Variants in LRRTM4 observed in about 807,000 individuals in gnomAD.
The protein encoded by LRRTM4 is leucine rich repeat transmembrane neuronal 4, also known as leucine-rich repeat transmembrane neuronal protein 4.
A neutral mutation model predicts 47.6 loss-of-function variants in LRRTM4; 25 were observed. That is an observed-to-expected ratio of 0.53 (90% CI 0.38 to 0.73). The LOEUF (loss-of-function observed/expected upper bound fraction) is 0.73. Ranked by LOEUF, LRRTM4 falls within the 30% of genes least tolerant of loss-of-function variation. LRRTM4 has a pLI of 0.00. For synonymous variants in LRRTM4, 311 were observed against 269.5 expected, an observed-to-expected ratio of 1.15 and a Z score of -1.51; for missense variants, 638 against 713.4, an observed-to-expected ratio of 0.89 and a Z score of 1.20.
At chr2:76,811,799 T>G (rs1460082496) in intron 3 of LRRTM4, among the ~76,000 whole-genome samples, 1 of 152,138 alleles carries the variant, frequency 6.6e-6, no homozygotes, top group Non-Finnish European at 1.5e-5. Context: ...AGGCAGCCAA[T>G]TAGAATCCAA....
At chr2:76,945,527 C>T (rs1300109207) in intron 3 of LRRTM4, among the ~76,000 whole-genome samples, 1 of 151,992 alleles carries the variant, frequency 6.6e-6, no homozygotes, top group Non-Finnish European at 1.5e-5. Flanking sequence ...TATTAAATAG[C>T]TTTCCACAGA....
intron 3 of LRRTM4, among the ~76,000 whole-genome samples, chr2:76,780,075 T>C (rs1392294133): frequency 1.3e-5 from 2 of 152,230 alleles, no homozygotes; most frequent in African/African-American, 2.4e-5. Context: ...TCTTTATGAA[T>C]GTTGAATATT....
At chr2:77,172,307 G>C (rs543636604) in intron 3 of LRRTM4, among the ~76,000 whole-genome samples, 39 of 151,978 alleles carry the variant, frequency 2.6e-4, no homozygotes, top group African/African-American at 8.9e-4. Context: ...CATTTAAAGG[G>C]CTAAACTGGC....
At chr2:77,006,764 C>T (rs1677667160) in intron 3 of LRRTM4, among the ~76,000 whole-genome samples, 1 of 152,072 alleles carries the variant, frequency 6.6e-6, no homozygotes, top group African/African-American at 2.4e-5. Context: ...TTGTCTATGG[C>T]AGGTGGGAAC....
In LRRTM4 at chr2:77,088,549, G is replaced by A. The variant is rs191523972; in HGVS notation, c.1552-339633C>T. Among the ~76,000 whole-genome samples the A allele has an allele frequency of 4.0e-5, 6 of 151,104 alleles. No homozygotes were observed. The South Asian group carries it at 1.1e-3, about 27-fold the overall frequency. ...TTACCTACCCAAATCCTATAAAACG[G>A]CCCCACCCCTATCTCCATTCGCTGA... On this transcript the variant is annotated intron_variant, in intron 3 of 3. Transcript: ENST00000409884.
intron 3 of LRRTM4, among the ~76,000 whole-genome samples, chr2:77,049,235 A>G (rs2103766173): frequency 6.8e-6 from 1 of 147,608 alleles, no homozygotes; most frequent in East Asian, 2.0e-4. Flanking sequence ...TATCTCTGCT[A>G]TTGTGAATAA....
At chr2:76,999,446 A>C (rs116118761) in intron 3 of LRRTM4, among the ~76,000 whole-genome samples, 2,573 of 133,458 alleles carry the variant, frequency 0.019, 60 homozygotes, top group East Asian at 0.11. Context: ...AAAGGAAACA[A>C]AACAAAAAAA....
intron 3 of LRRTM4, among the ~76,000 whole-genome samples, chr2:76,913,918 T>C (rs1223189160): frequency 1.3e-5 from 2 of 152,106 alleles, no homozygotes; most frequent in Admixed American, 6.5e-5. Flanking sequence ...AACTTCCCTT[T>C]TTTAGAGCAT....
At chr2:76,780,336 G>C (rs889443736) in intron 3 of LRRTM4, among the ~76,000 whole-genome samples, 1 of 152,142 alleles carries the variant, frequency 6.6e-6, no homozygotes, top group African/African-American at 2.4e-5. Context: ...AGTTCTCCTG[G>C]ATAATCTCCT....
At chr2:77,443,611 G>C (rs903971246) in intron 3 of LRRTM4, among the ~76,000 whole-genome samples, 1 of 152,012 alleles carries the variant, frequency 6.6e-6, no homozygotes, top group Non-Finnish European at 1.5e-5. Flanking sequence ...AGTATCACCT[G>C]CTAAATGAGA....
intron 3 of LRRTM4, among the ~76,000 whole-genome samples, chr2:77,322,421 T>G (rs1368077521): frequency 2.0e-5 from 3 of 152,132 alleles, no homozygotes; most frequent in Non-Finnish European, 4.4e-5. Context: ...TTTCAAGATG[T>G]GATCTCATAT....
chr2:76,894,725 A>C (rs912241017), intron 3 of LRRTM4, among the ~76,000 whole-genome samples: 1 of 151,946 alleles, frequency 6.6e-6, no homozygotes, highest in South Asian at 2.1e-4. Flanking sequence ...TCAACCCTGG[A>C]AAACTGACTT....
chr2:77,369,525 T>C (rs886537268), intron 3 of LRRTM4, among the ~76,000 whole-genome samples: 1 of 151,756 alleles, frequency 6.6e-6, no homozygotes, highest in African/African-American at 2.4e-5. Context: ...TTTCGCTAAA[T>C]AAGTAGATGA....
At chr2:77,214,077 T>A (rs1674370511) in intron 3 of LRRTM4, among the ~76,000 whole-genome samples, 1 of 152,184 alleles carries the variant, frequency 6.6e-6, no homozygotes, top group South Asian at 2.1e-4. Context: ...ACATTGAGTC[T>A]AAATGAAAAC....
At chr2:76,765,432 C>T (rs1673419235) in intron 3 of LRRTM4, among the ~76,000 whole-genome samples, 1 of 152,056 alleles carries the variant, frequency 6.6e-6, no homozygotes, top group African/African-American at 2.4e-5. Flanking sequence ...GGAAGAGGAG[C>T]AGAATATTAT....
chr2:76,756,947 CCTTT>C lies in LRRTM4; in HGVS notation c.1552-8035_1552-8032del, dbSNP rs1230690303. Among the ~76,000 whole-genome samples the C allele has an allele frequency of 1.4e-4, 21 of 151,820 alleles. No homozygotes were observed. The East Asian group carries it at 2.5e-3, about 18-fold the overall frequency. ...CTGAATGAAAGAACAATAATCATAC[CCTTT>C]CTTTATTTTGTTTTGAAGATGGAAT... is the stretch of plus-strand genomic sequence containing the variant. On this transcript the variant is annotated intron_variant, in intron 3 of 3. Transcript: ENST00000409884.
intron 3 of LRRTM4, among the ~76,000 whole-genome samples, chr2:77,221,756 G>A (rs1674639516): frequency 6.6e-6 from 1 of 151,970 alleles, no homozygotes; most frequent in South Asian, 2.1e-4. Context: ...CAATAATAAT[G>A]GGAGACTTTA....
At chr2:76,968,482 A>G (rs115216404) in intron 3 of LRRTM4, among the ~76,000 whole-genome samples, 3,661 of 149,490 alleles carry the variant, frequency 0.024, 57 homozygotes, top group Admixed American at 0.034. Flanking sequence ...GTATCTATCC[A>G]TCTACCTATC....
At chr2:76,815,203 T>C (rs1459366804) in intron 3 of LRRTM4, among the ~76,000 whole-genome samples, 1 of 152,136 alleles carries the variant, frequency 6.6e-6, no homozygotes, top group Admixed American at 6.6e-5. Flanking sequence ...AAAAAGATTA[T>C]AGCTGATGGG....
Sources: allele counts gnomAD v4.1 joint callset (sites outside exome capture counted in the v4.1 genomes callset), GRCh38; gene constraint gnomAD v4.1.1; transcripts MANE v1.5; gene names NCBI Gene and HGNC (gene_info 2026-07-23, HGNC 2026-07-21).